Variants in CEP112 observed in about 807,000 individuals in gnomAD.
CEP112 encodes centrosomal protein 112.
CEP112 carries 127 observed loss-of-function variants against 153.0 expected under a neutral mutation model. The ratio of observed to expected loss-of-function variants is 0.83; its 90% confidence interval spans 0.72 to 0.96. The LOEUF is 0.96. Among genes scored for constraint, CEP112 ranks in the 40% least tolerant of loss-of-function variants. The probability of loss-of-function intolerance (pLI) is 0.00; values close to 1 mark genes in which losing one functional copy is unlikely to be tolerated. For synonymous variants in CEP112, 358 were observed against 374.4 expected, an observed-to-expected ratio of 0.96 and a Z score of 0.51; for missense variants, 1,089 against 1,101.2, an observed-to-expected ratio of 0.99 and a Z score of 0.16.
intron 21 of CEP112, chr17:65,804,320 A>C (rs1352651695): frequency 3.3e-5 from 5 of 152,128 alleles, no homozygotes; most frequent in African/African-American, 9.7e-5. Context: ...TATGTCTATA[A>C]AGCTCTTTTC....
chr17:65,665,834 C>T (rs754957717), intron 24 of CEP112, among the ~76,000 whole-genome samples: 47 of 152,116 alleles, frequency 3.1e-4, no homozygotes, highest in Non-Finnish European at 4.9e-4. Flanking sequence ...TGCCAAGGAC[C>T]TAGACTTTGT....
chr17:65,696,176 T>C (rs975402293), intron 23 of CEP112, among the ~76,000 whole-genome samples: 2 of 152,200 alleles, frequency 1.3e-5, no homozygotes, highest in African/African-American at 4.8e-5. Context: ...TTCAAAGCAG[T>C]TCTCATTGAG....
At chr17:65,971,738 T>C (rs917452249) in intron 17 of CEP112, among the ~76,000 whole-genome samples, 2 of 152,216 alleles carry the variant, frequency 1.3e-5, no homozygotes. Context: ...TGCAGGTATA[T>C]TGCTCTAACA....
intron 21 of CEP112, among the ~76,000 whole-genome samples, chr17:65,808,913 T>A (rs1265132150): frequency 9.8e-5 from 15 of 152,356 alleles, no homozygotes; most frequent in Non-Finnish European, 1.9e-4. Flanking sequence ...ATTAATGTCA[T>A]CATTGCAGAA....
intron 20 of CEP112, among the ~76,000 whole-genome samples, chr17:65,864,097 C>T (rs973483376): frequency 5.3e-5 from 8 of 150,626 alleles, no homozygotes; most frequent in Non-Finnish European, 1.0e-4. Context: ...GCCAAGATTG[C>T]GCCACTACAC....
intron 17 of CEP112, among the ~76,000 whole-genome samples, chr17:65,969,985 C>T (rs1414315890): frequency 2.6e-5 from 4 of 152,148 alleles, no homozygotes; most frequent in Admixed American, 6.5e-5. Flanking sequence ...GCATATCACA[C>T]GCATGTTACA....
intron 4 of CEP112, among the ~76,000 whole-genome samples, chr17:66,157,747 G>A (rs539361394): frequency 6.7e-6 from 1 of 148,974 alleles, no homozygotes; most frequent in African/African-American, 2.5e-5. Flanking sequence ...CCTAGTCTCT[G>A]ATAAAACAGA....
chr17:65,720,356 C>G (rs1469591920), intron 23 of CEP112, among the ~76,000 whole-genome samples: 1 of 152,012 alleles, frequency 6.6e-6, no homozygotes, highest in East Asian at 1.9e-4. Flanking sequence ...ACTGAGGTTG[C>G]CTAAGAGAGA....
intron 20 of CEP112, among the ~76,000 whole-genome samples, chr17:65,887,210 T>C (rs1399001523): frequency 6.6e-6 from 1 of 152,178 alleles, no homozygotes; most frequent in East Asian, 1.9e-4. Context: ...GTTCACATCC[T>C]AGCCCTTGCA....
At chr17:65,715,212 A>G (rs1219428574) in intron 23 of CEP112, among the ~76,000 whole-genome samples, 1 of 152,154 alleles carries the variant, frequency 6.6e-6, no homozygotes, top group Non-Finnish European at 1.5e-5. Flanking sequence ...TGAGTTCTAG[A>G]GGCCAAAAGA....
intron 25 of CEP112, among the ~76,000 whole-genome samples, chr17:65,639,520 C>T (rs1048084363): frequency 1.3e-5 from 2 of 151,680 alleles, no homozygotes; most frequent in African/African-American, 2.4e-5. Flanking sequence ...TACAAACAAA[C>T]CCCCGTTTCT....
intron 4 of CEP112, among the ~76,000 whole-genome samples, chr17:66,172,425 T>C (rs1311368746): frequency 6.6e-6 from 1 of 152,122 alleles, no homozygotes; most frequent in Non-Finnish European, 1.5e-5. Context: ...CTCACCAGAG[T>C]GCCTGCTTTT....
chr17:66,188,584 GTTT>G (rs56059206), intron 1 of CEP112, among the ~76,000 whole-genome samples: 36,859 of 147,736 alleles, frequency 0.25, 4,762 homozygotes, highest in Non-Finnish European at 0.28. Context: ...TTATCATGCT[GTTT>G]TTTTTTTTTT....
In CEP112 at chr17:66,034,885, G is replaced by A. The variant is rs1041598938; in HGVS notation, c.1219-4862C>T. Among the ~76,000 whole-genome samples the A allele has an allele frequency of 4.7e-5, 7 of 149,488 alleles. No individual in the cohort carries two copies. The East Asian group carries it at 5.9e-4, about 13-fold the overall frequency. ...TGCAGTGGCGCAATCTCGACTCACC[G>A]CAACCCCTGCCTCCCAAGTCCTAAT... is the stretch of plus-strand genomic sequence containing the variant. On this transcript the variant is annotated intron_variant, in intron 12 of 26. Coordinates refer to ENST00000535342, the MANE Select transcript of CEP112 (RefSeq NM_001199165.4).
At chr17:65,657,988 T>C (rs1366299544) in intron 24 of CEP112, among the ~76,000 whole-genome samples, 2 of 152,174 alleles carry the variant, frequency 1.3e-5, no homozygotes, top group East Asian at 3.8e-4. Context: ...TTGAATGTAG[T>C]AAAAAATAGA....
intron 21 of CEP112, among the ~76,000 whole-genome samples, chr17:65,826,831 T>G (rs2146076084): frequency 6.6e-6 from 1 of 152,306 alleles, no homozygotes; most frequent in East Asian, 1.9e-4. Context: ...TAATACTGAG[T>G]GTCAACTTGA....
intron 21 of CEP112, among the ~76,000 whole-genome samples, chr17:65,814,764 T>A (rs913805971): frequency 6.6e-6 from 1 of 152,146 alleles, no homozygotes; most frequent in Admixed American, 6.6e-5. Context: ...TTGGCACAAA[T>A]TTCAGTTTTC....
chr17:65,827,278 C>G (rs2056880458), intron 21 of CEP112, among the ~76,000 whole-genome samples: 1 of 152,132 alleles, frequency 6.6e-6, no homozygotes, highest in African/African-American at 2.4e-5. Context: ...TGAGTCAATA[C>G]TCCTTAATAA....
At chr17:65,821,526 A>ATATATAATTATATATATATATATAAT (rs2056563867) in intron 21 of CEP112, among the ~76,000 whole-genome samples, 2 of 22,870 alleles carry the variant, frequency 8.7e-5, no homozygotes, top group Admixed American at 5.7e-4. Flanking sequence ...ATATATATAT[A>ATATATAATTATATATATATATATAAT]TATATATATA....
Sources: allele counts gnomAD v4.1 joint callset (sites outside exome capture counted in the v4.1 genomes callset), GRCh38; gene constraint gnomAD v4.1.1; transcripts MANE v1.5; gene names NCBI Gene and HGNC (gene_info 2026-07-23, HGNC 2026-07-21).